Variants in NRG1 observed in about 807,000 individuals in gnomAD.
NRG1 encodes the protein neuregulin 1, also known as pro-neuregulin-1, membrane-bound isoform.
Under a neutral mutation model 63.8 loss-of-function variants are expected in NRG1, and 18 were observed. That is an observed-to-expected ratio of 0.28 (90% CI 0.19 to 0.42). The LOEUF (loss-of-function observed/expected upper bound fraction) is 0.42. Ranked by LOEUF, NRG1 falls within the 10% of genes least tolerant of loss-of-function variation. NRG1 has a pLI of 1.00. For synonymous variants in NRG1, 302 were observed against 301.3 expected (o/e 1.00, Z -0.02); for missense variants, 762 against 814.7 (o/e 0.94, Z 0.79).
chr8:31,995,931 T>C (rs1355164597), intron 1 of NRG1, among the ~76,000 whole-genome samples: 2 of 151,954 alleles, frequency 1.3e-5, no homozygotes, highest in Non-Finnish European at 2.9e-5. Flanking sequence ...CCGTATTCCC[T>C]ATGCCCTGTA....
At chr8:32,458,855 A>G (rs1248973511) in intron 1 of NRG1, among the ~76,000 whole-genome samples, 1 of 152,196 alleles carries the variant, frequency 6.6e-6, no homozygotes, top group Non-Finnish European at 1.5e-5. Flanking sequence ...ATCTTATAGT[A>G]GGCAAAACTA....
At chr8:32,670,778 G>A (rs2466087) in intron 5 of NRG1, among the ~76,000 whole-genome samples, 121,675 of 152,036 alleles carry the variant, frequency 0.8, 50,066 homozygotes, top group East Asian at 1. Flanking sequence ...GGACAGTGGA[G>A]GCCCAGAGAG....
intron 1 of NRG1, among the ~76,000 whole-genome samples, chr8:31,752,950 AC>A (rs750321383): frequency 3.3e-5 from 5 of 151,950 alleles, no homozygotes; most frequent in Non-Finnish European, 7.4e-5. Flanking sequence ...TTGTTGGGCC[AC>A]CTACTGTGTT....
At chr8:32,470,276 G>C (rs534814413) in intron 1 of NRG1, among the ~76,000 whole-genome samples, 1 of 151,060 alleles carries the variant, frequency 6.6e-6, no homozygotes, top group Admixed American at 6.6e-5. Flanking sequence ...CGCCTCCCGG[G>C]TTCACGCCAT....
At chr8:32,197,327 T>A (rs1442490518) in intron 1 of NRG1, among the ~76,000 whole-genome samples, 2 of 152,106 alleles carry the variant, frequency 1.3e-5, no homozygotes, top group Non-Finnish European at 2.9e-5. Flanking sequence ...TTCACCCACA[T>A]AGGCAAGGTG....
exon 12 of NRG1, chr8:32,766,496 A>T (rs1831441573): frequency 6.6e-6 from 1 of 152,122 alleles, no homozygotes. Context: ...GAAGGCCTTG[A>T]CTCATCCTTA....
chr8:31,965,800 T>A (rs1806221980), intron 1 of NRG1, among the ~76,000 whole-genome samples: 1 of 152,142 alleles, frequency 6.6e-6, no homozygotes, highest in Non-Finnish European at 1.5e-5. Context: ...AAGAATGAAA[T>A]CACGTCCTTT....
intron 2 of NRG1, among the ~76,000 whole-genome samples, chr8:32,599,801 G>T (rs1179789243): frequency 2.0e-5 from 3 of 152,032 alleles, no homozygotes; most frequent in Non-Finnish European, 4.4e-5. Context: ...CCTATTATTT[G>T]TATGTTTCAC....
intron 1 of NRG1, among the ~76,000 whole-genome samples, chr8:31,882,329 T>TAAAAAAAAA (rs745615085): frequency 1.3e-5 from 1 of 79,830 alleles, no homozygotes; most frequent in Non-Finnish European, 2.4e-5. Flanking sequence ...GCTCAAAAAC[T>TAAAAAAAAA]AAAAAAAAAA....
intron 1 of NRG1, among the ~76,000 whole-genome samples, chr8:31,794,944 A>G (rs569825025): frequency 6.6e-6 from 1 of 152,226 alleles, no homozygotes; most frequent in East Asian, 1.9e-4. Flanking sequence ...CTGAGATTAC[A>G]GTCATGCGAC....
intron 1 of NRG1, among the ~76,000 whole-genome samples, chr8:32,119,055 A>G (rs1175845947): frequency 6.6e-6 from 1 of 152,148 alleles, no homozygotes; most frequent in African/African-American, 2.4e-5. Context: ...AAATTGCTCA[A>G]TATGACATGG....
At chr8:32,226,845 G>C (rs116344852) in intron 1 of NRG1, among the ~76,000 whole-genome samples, 33 of 152,268 alleles carry the variant, frequency 2.2e-4, no homozygotes, top group African/African-American at 7.5e-4. Flanking sequence ...CACAACAAAA[G>C]AGGAAGGAAG....
intron 1 of NRG1, among the ~76,000 whole-genome samples, chr8:32,417,738 G>C (rs1194873445): frequency 6.6e-6 from 1 of 150,990 alleles, no homozygotes; most frequent in Non-Finnish European, 1.5e-5. Flanking sequence ...GGAGGGGGAG[G>C]GGGGGTGTGT....
chr8:32,588,933 A>T (rs1842075548), intron 1 of NRG1, among the ~76,000 whole-genome samples: 1 of 152,202 alleles, frequency 6.6e-6, no homozygotes. Context: ...AATCAAGAAC[A>T]TTCTGTCTAA....
chr8:31,877,461 G>A lies in NRG1; in HGVS notation c.37+238030G>A, dbSNP rs1478973144. On this transcript the variant is annotated intron_variant, in intron 1 of 10. Transcript: ENST00000519301. ...TGGTTATCTCTCTCTCTCTGTCTCT[G>A]TGTCTCTCTCTCCATGTATGTATGT... Among the ~76,000 whole-genome samples the A allele has an allele frequency of 7.9e-5, 12 of 151,550 alleles. 1 individual carries two copies. In the South Asian group the frequency reaches 2.5e-3, roughly 32 times the overall value.
chr8:31,994,126 T>G (rs1316416700), intron 1 of NRG1, among the ~76,000 whole-genome samples: 1 of 151,958 alleles, frequency 6.6e-6, no homozygotes, highest in Non-Finnish European at 1.5e-5. Flanking sequence ...TGAGGATAAT[T>G]CTAATAGCTC....
chr8:32,127,056 T>C (rs980423665), intron 1 of NRG1, among the ~76,000 whole-genome samples: 3 of 152,036 alleles, frequency 2.0e-5, no homozygotes, highest in South Asian at 4.1e-4. Flanking sequence ...TTTGTATTAA[T>C]GTAGTTGGGT....
At chr8:32,089,518 T>G (rs1020409021) in intron 1 of NRG1, among the ~76,000 whole-genome samples, 27 of 152,196 alleles carry the variant, frequency 1.8e-4, no homozygotes, top group African/African-American at 6.0e-4. Flanking sequence ...ATTTTTTTTT[T>G]AAATGCCAGA....
intron 1 of NRG1, among the ~76,000 whole-genome samples, chr8:32,139,838 G>A (rs888493632): frequency 2.6e-5 from 4 of 152,292 alleles, no homozygotes; most frequent in Admixed American, 6.5e-5. Flanking sequence ...ATGATAAATT[G>A]TTGGCAATAA....
Sources: allele counts gnomAD v4.1 joint callset (sites outside exome capture counted in the v4.1 genomes callset), GRCh38; gene constraint gnomAD v4.1.1; transcripts MANE v1.5; gene names NCBI Gene and HGNC (gene_info 2026-07-23, HGNC 2026-07-21).